The following CWH43 variants were observed in gnomAD, a reference collection of about 807,000 sequenced individuals.
CWH43 encodes PGAP2-interacting protein.
Under a neutral mutation model 85.7 loss-of-function variants are expected in CWH43, and 91 were observed. That is an observed-to-expected ratio of 1.06 (90% CI 0.90 to 1.26). The LOEUF (loss-of-function observed/expected upper bound fraction) is 1.26, where lower values mean the gene tolerates loss of function less well. Among genes scored for constraint, CWH43 ranks in the 50% most tolerant of loss-of-function variants. The pLI is 0.00. For synonymous variants in CWH43, 323 were observed against 293.6 expected (o/e 1.10, Z -1.02); for missense variants, 869 against 839.2 (o/e 1.04, Z -0.44).
chr4:49,011,276 G>T (rs1024912064), intron 8 of CWH43, among the ~76,000 whole-genome samples: 10 of 152,058 alleles, frequency 6.6e-5, no homozygotes, highest in African/African-American at 2.4e-4. Flanking sequence ...AAAGCCTGTT[G>T]TATCAGAGAC....
chr4:49,004,134 A>C, intron 7 of CWH43, 142 bp downstream of exon 7: 1 of 715,156 alleles, frequency 1.4e-6, no homozygotes, highest in East Asian at 2.8e-5. Context: ...TCTTGATTAA[A>C]ACACAAAACC....
At chr4:49,030,446 G>A (rs1354684162) in intron 10 of CWH43, among the ~76,000 whole-genome samples, 1 of 152,156 alleles carries the variant, frequency 6.6e-6, no homozygotes, top group Non-Finnish European at 1.5e-5. Context: ...TTAGTTCTGG[G>A]TCAGTACTAT....
chr4:49,059,300 G>A (rs774302349), intron 15 of CWH43, among the ~76,000 whole-genome samples: 9 of 151,916 alleles, frequency 5.9e-5, no homozygotes, highest in African/African-American at 9.7e-5. Context: ...TTTCTGTTTG[G>A]TTCTTTTTTG....
intron 8 of CWH43, among the ~76,000 whole-genome samples, chr4:49,012,914 G>A (rs1390717733): frequency 6.6e-6 from 1 of 152,200 alleles, no homozygotes; most frequent in Non-Finnish European, 1.5e-5. Context: ...AGCCCCTACT[G>A]GGAGGTGTCT....
At chr4:49,046,998 T>A (rs1784645602) in intron 14 of CWH43, among the ~76,000 whole-genome samples, 2 of 152,256 alleles carry the variant, frequency 1.3e-5, no homozygotes, top group Non-Finnish European at 1.5e-5. Context: ...AGGACTGACT[T>A]CCCTGAGCCT....
At chr4:49,050,917 C>A in intron 15 of CWH43, 68 bp downstream of exon 15, 2 of 1,086,366 alleles carry the variant, frequency 1.8e-6, no homozygotes. Flanking sequence ...TACATATTAC[C>A]TCAAAATGAG....
rs968648152 is a variant in CWH43, at chr4:49,003,616, T to A, written c.803-119T>A. On this transcript the variant is annotated intron_variant, in intron 6 of 15. Coordinates refer to ENST00000226432, the MANE Select transcript of CWH43 (RefSeq NM_025087.3). The stretch of plus-strand genomic sequence containing the variant: ...ACCTTGTCAGATCTTAGTTTTCTCA[T>A]CTGTCTGGAGATTGGATCAGTATAC... The A allele has an allele frequency of 3.2e-6, 3 of 942,296 alleles. No individual in the cohort carries two copies. The African/African-American group carries it at 4.9e-5, about 15-fold the overall frequency. 58.4% of individuals were successfully genotyped at this position (942,296 alleles called of 1,614,324 possible). A position where few individuals can be genotyped will look rare whatever the true frequency, so the allele number is the denominator to read the frequency against.
chr4:49,012,036 G>A (rs1783379457), intron 8 of CWH43, among the ~76,000 whole-genome samples: 1 of 152,142 alleles, frequency 6.6e-6, no homozygotes, highest in African/African-American at 2.4e-5. Context: ...CTAGGTTGGG[G>A]AAGTTCTTCT....
intron 9 of CWH43, among the ~76,000 whole-genome samples, chr4:49,024,683 T>C (rs1165262360): frequency 6.6e-6 from 1 of 152,204 alleles, no homozygotes; most frequent in Non-Finnish European, 1.5e-5. Flanking sequence ...AGGACCCTAA[T>C]CTATTCTAGC....
At chr4:48,998,860 T>C (rs1284629938) in intron 6 of CWH43, among the ~76,000 whole-genome samples, 2 of 152,226 alleles carry the variant, frequency 1.3e-5, no homozygotes, top group Non-Finnish European at 2.9e-5. Context: ...AGTAGCAGAT[T>C]TATAAAAATT....
At chr4:49,004,966 C>T (rs1344846630) in intron 7 of CWH43, among the ~76,000 whole-genome samples, 2 of 151,994 alleles carry the variant, frequency 1.3e-5, no homozygotes, top group African/African-American at 2.4e-5. Flanking sequence ...ATACATAAAT[C>T]GAATGTTGTG....
intron 15 of CWH43, among the ~76,000 whole-genome samples, chr4:49,057,001 G>T (rs1305268917): frequency 1.3e-5 from 2 of 152,058 alleles, no homozygotes; most frequent in Admixed American, 1.3e-4. Context: ...ATTGTTGTTG[G>T]AAAGGCTACT....
At chr4:49,030,373 T>G (rs1374356652) in intron 10 of CWH43, among the ~76,000 whole-genome samples, 1 of 152,150 alleles carries the variant, frequency 6.6e-6, no homozygotes, top group African/African-American at 2.4e-5. Context: ...CCCTTAGCCC[T>G]TTTTTAGTCT....
chr4:48,994,565 G>A, intron 4 of CWH43, 54 bp from the exon 5 acceptor site: 2 of 1,447,396 alleles, frequency 1.4e-6, no homozygotes, highest in South Asian at 1.2e-5. Context: ...TAAATATAGA[G>A]CGCAAATTTC....
chr4:49,050,583 G>A (rs1309311398), intron 14 of CWH43, 111 bp from the exon 15 acceptor site: 2 of 756,374 alleles, frequency 2.6e-6, no homozygotes, highest in African/African-American at 1.8e-5. Flanking sequence ...GATATACAGA[G>A]TAGAGTTAGA....
At chr4:49,051,244 T>G (rs1784787200) in intron 15 of CWH43, among the ~76,000 whole-genome samples, 1 of 152,164 alleles carries the variant, frequency 6.6e-6, no homozygotes, top group African/African-American at 2.4e-5. Context: ...TTTTAATAGA[T>G]GAGGAAGCTC....
At chr4:49,017,943 C>T (rs761574583) in intron 9 of CWH43, among the ~76,000 whole-genome samples, 7 of 151,884 alleles carry the variant, frequency 4.6e-5, no homozygotes, top group African/African-American at 7.3e-5. Context: ...CAAGCAATTC[C>T]CCTGCCTCAG....
intron 8 of CWH43, among the ~76,000 whole-genome samples, chr4:49,014,958 A>G (rs1783493497): frequency 2.0e-5 from 3 of 152,194 alleles, no homozygotes; most frequent in Admixed American, 1.3e-4. Context: ...ACAAATGTAT[A>G]ATTACATAGA....
At position 49,044,654 on chromosome 4, in the gene CWH43, T is replaced by C. The variant is rs1189306311; in HGVS notation, c.1804-132T>C. 3.0e-5 allele frequency: 19 copies of C among 630,562 alleles called. No homozygotes were observed. The East Asian group carries it at 5.4e-4, about 18-fold the overall frequency. The allele number at this position is 630,562 out of a possible 1,614,324, so 39.1% of individuals were successfully genotyped here. ...AGCAAATAATTTGGACCAAAAAAGA[T>C]CAGTAGGAGCCAGGAAGAGAAAACA... On this transcript the variant is annotated intron_variant, in intron 13 of 15. Transcript: ENST00000226432.
Sources: allele counts gnomAD v4.1 joint callset (sites outside exome capture counted in the v4.1 genomes callset), GRCh38; gene constraint gnomAD v4.1.1; transcripts MANE v1.5; gene names NCBI Gene and HGNC (gene_info 2026-07-23, HGNC 2026-07-21).